Variants in NCKAP5 observed in about 807,000 individuals in gnomAD.
NCKAP5 encodes nck-associated protein 5.
In NCKAP5, 92 loss-of-function variants were observed where a neutral mutation model predicts 167.0. That is an observed-to-expected ratio of 0.55 (90% CI 0.47 to 0.66). The LOEUF (loss-of-function observed/expected upper bound fraction) is 0.66, where lower values mean the gene tolerates loss of function less well. Ranked by LOEUF, NCKAP5 falls within the 30% of genes least tolerant of loss-of-function variation. The probability of loss-of-function intolerance (pLI) is 0.00; values close to 1 mark genes in which losing one functional copy is unlikely to be tolerated. For missense variants in NCKAP5, 2,378 were observed against 2,315.0 expected, an observed-to-expected ratio of 1.03 and a Z score of -0.56; for synonymous variants, 891 against 877.4, an observed-to-expected ratio of 1.02 and a Z score of -0.27.
chr2:133,574,164 CCT>C, the NCKAP5 span, among the ~76,000 whole-genome samples: 48 of 152,286 alleles, frequency 3.2e-4, no homozygotes, highest in African/African-American at 1.1e-3. Context: ...CTGACTTTCC[CCT>C]GTGTGAAACC....
chr2:133,469,126 C>T (rs1306071680), intron 3 of NCKAP5, among the ~76,000 whole-genome samples: 7 of 152,024 alleles, frequency 4.6e-5, no homozygotes, highest in African/African-American at 1.7e-4. Context: ...TACGTTTTGG[C>T]ATGATTTTGC....
chr2:133,410,329 C>T (rs2151055420), intron 3 of NCKAP5, among the ~76,000 whole-genome samples: 1 of 152,276 alleles, frequency 6.6e-6, no homozygotes, highest in Non-Finnish European at 1.5e-5. Context: ...AATTCATGGC[C>T]CAAGAAGTCA....
At chr2:133,262,173 A>T (rs1314965690) in intron 4 of NCKAP5, among the ~76,000 whole-genome samples, 1 of 152,148 alleles carries the variant, frequency 6.6e-6, no homozygotes, top group Non-Finnish European at 1.5e-5. Context: ...AGATGATGAA[A>T]CAGGTTAGAG....
chr2:133,021,250 A>G (rs1244568299), intron 6 of NCKAP5, among the ~76,000 whole-genome samples: 5 of 152,208 alleles, frequency 3.3e-5, no homozygotes, highest in Admixed American at 3.3e-4. Flanking sequence ...GACATATTCA[A>G]TGCCTAGAGA....
intron 3 of NCKAP5, among the ~76,000 whole-genome samples, chr2:133,392,430 G>C (rs768421744): frequency 6.6e-6 from 1 of 152,098 alleles, no homozygotes; most frequent in Non-Finnish European, 1.5e-5. Context: ...GCATTTCTCA[G>C]AATACATTCT....
At chr2:133,626,802 T>C in the NCKAP5 span, among the ~76,000 whole-genome samples, 1 of 151,942 alleles carries the variant, frequency 6.6e-6, no homozygotes, top group Non-Finnish European at 1.5e-5. Context: ...AATAGATACA[T>C]AGGAATTCAC....
chr2:132,790,624 TTGTC>T (rs1206547022), intron 12 of NCKAP5, among the ~76,000 whole-genome samples: 2 of 152,158 alleles, frequency 1.3e-5, no homozygotes, highest in Non-Finnish European at 2.9e-5. Flanking sequence ...AAGCTGCAGA[TTGTC>T]TGTATGGTAT....
At chr2:133,202,599 C>A (rs1022368796) in intron 5 of NCKAP5, among the ~76,000 whole-genome samples, 10 of 152,090 alleles carry the variant, frequency 6.6e-5, no homozygotes, top group African/African-American at 1.9e-4. Context: ...AGTGAACAGG[C>A]AACCTGCAGA....
chr2:133,500,355 T>C (rs541773424), intron 3 of NCKAP5, among the ~76,000 whole-genome samples: 3 of 152,236 alleles, frequency 2.0e-5, no homozygotes, highest in Non-Finnish European at 4.4e-5. Context: ...TGACAAACTT[T>C]ACCTTCTAAC....
At chr2:133,630,889 C>T in the NCKAP5 span, among the ~76,000 whole-genome samples, 2 of 152,102 alleles carry the variant, frequency 1.3e-5, no homozygotes, top group African/African-American at 2.4e-5. Flanking sequence ...TATTTTAAGA[C>T]ATTATGTTTT....
intron 7 of NCKAP5, among the ~76,000 whole-genome samples, chr2:132,973,355 C>T (rs925394334): frequency 6.6e-6 from 1 of 152,168 alleles, no homozygotes; most frequent in Non-Finnish European, 1.5e-5. Context: ...GACATCTAGC[C>T]CCATTTTCAG....
chr2:132,755,801 A>T (rs1425349168), intron 16 of NCKAP5, among the ~76,000 whole-genome samples: 2 of 150,754 alleles, frequency 1.3e-5, no homozygotes, highest in Non-Finnish European at 2.9e-5. Context: ...GCTACACTCC[A>T]GCCTGGGTGA....
At chr2:133,611,769 C>T in the NCKAP5 span, among the ~76,000 whole-genome samples, 1 of 152,152 alleles carries the variant, frequency 6.6e-6, no homozygotes, top group African/African-American at 2.4e-5. Context: ...AACATTCTCT[C>T]CCCTATTAAA....
At chr2:133,606,657 T>G in the NCKAP5 span, among the ~76,000 whole-genome samples, 2 of 149,496 alleles carry the variant, frequency 1.3e-5, no homozygotes, top group African/African-American at 5.0e-5. Context: ...TCCAAAATTT[T>G]GCCAAGTTTC....
intron 6 of NCKAP5, among the ~76,000 whole-genome samples, chr2:133,042,950 G>C (rs1397595766): frequency 5.3e-5 from 8 of 152,164 alleles, no homozygotes; most frequent in Non-Finnish European, 2.9e-5. Flanking sequence ...AATTTCATCT[G>C]ATAGTTGCAA....
In NCKAP5 at chr2:132,692,027, T is replaced by C. The variant is rs141445176; in HGVS notation, c.5714-18722A>G. Among the ~76,000 whole-genome samples the C allele has an allele frequency of 1.6e-3, 246 of 152,322 alleles. 2 individuals carry two copies. In the East Asian group the frequency reaches 0.034, roughly 21 times the overall value. ...ACCTCTTACAAAACCTCTGTTCAAA[T>C]GTCCCTTCTTCAGAAAGGCCTTTCC... is the stretch of plus-strand genomic sequence containing the variant. On this transcript the variant is annotated intron_variant, in intron 19 of 19. Coordinates refer to ENST00000409261, the MANE Select transcript of NCKAP5 (RefSeq NM_207363.3).
chr2:133,617,575 A>G, the NCKAP5 span, among the ~76,000 whole-genome samples: 1 of 139,542 alleles, frequency 7.2e-6, no homozygotes, highest in Admixed American at 7.4e-5. Context: ...AGAATAAAAT[A>G]CCTAGGAATC....
At chr2:132,787,724 C>A (rs557837132) in intron 13 of NCKAP5, among the ~76,000 whole-genome samples, 1 of 152,268 alleles carries the variant, frequency 6.6e-6, no homozygotes, top group East Asian at 1.9e-4. Context: ...ATTACAAACT[C>A]CTTTAGAAAT....
At chr2:133,228,026 G>C (rs776065601) in intron 4 of NCKAP5, among the ~76,000 whole-genome samples, 7 of 152,108 alleles carry the variant, frequency 4.6e-5, no homozygotes, top group South Asian at 2.1e-4. Flanking sequence ...GGGGACTCTT[G>C]GTTTCTATTC....
Sources: allele counts gnomAD v4.1 joint callset (sites outside exome capture counted in the v4.1 genomes callset), GRCh38; gene constraint gnomAD v4.1.1; transcripts MANE v1.5; gene names NCBI Gene and HGNC (gene_info 2026-07-23, HGNC 2026-07-21).